Variants in CAMTA2 observed in about 807,000 individuals in gnomAD.
CAMTA2 encodes the protein calmodulin binding transcription activator 2.
Under a neutral mutation model 135.7 loss-of-function variants are expected in CAMTA2, and 56 were observed. That is an observed-to-expected ratio of 0.41 (90% CI 0.33 to 0.52). The LOEUF (loss-of-function observed/expected upper bound fraction) is 0.52, where lower values mean the gene tolerates loss of function less well. Ranked by LOEUF, CAMTA2 falls within the 20% of genes least tolerant of loss-of-function variation. CAMTA2 has a pLI of 0.16. For synonymous variants in CAMTA2, 591 were observed against 604.6 expected (o/e 0.98, Z 0.33); for missense variants, 1,358 against 1,553.4 (o/e 0.87, Z 2.11).
At chr17:4,974,529 G>C in intron 11 of CAMTA2, 29 bp from the exon 12 acceptor site, 1 of 1,436,756 alleles carries the variant, frequency 7.0e-7, no homozygotes, top group Non-Finnish European at 9.8e-7. Context: ...GGGAGGCTGA[G>C]TGGGCAGTCT....
At chr17:4,979,627 T>C (rs532149047) in intron 9 of CAMTA2, 57 bp downstream of exon 9, 4 of 1,262,540 alleles carry the variant, frequency 3.2e-6, no homozygotes, top group East Asian at 2.3e-5. Context: ...ACAATTTGTT[T>C]TGGGGAGTCA....
At position 4,968,183 on chromosome 17, in the gene CAMTA2, T is replaced by A. The variant is rs1466950385; in HGVS notation, c.*573A>T. 3.8e-6 allele frequency: 1 copy of A among 265,584 alleles called. No homozygotes were observed. The highest frequency in any genetic ancestry group is 7.3e-6 in the Non-Finnish European group (1 of 137,032). 16.5% of individuals were successfully genotyped at this position (265,584 alleles called of 1,614,324 possible). A position where few individuals can be genotyped will look rare whatever the true frequency, so the allele number is the denominator to read the frequency against. ...TATGTTACAGTATGTACAAGACCCC[T>A]CCCCTCGGGGGACGGGGCGGACTCC... On this transcript the variant is annotated 3_prime_UTR_variant, in exon 23 of 23. Transcript: ENST00000348066.
chr17:4,972,153 T>C, intron 16 of CAMTA2, 79 bp downstream of exon 16: 2 of 1,255,164 alleles, frequency 1.6e-6, no homozygotes, highest in East Asian at 2.3e-5. Flanking sequence ...AGCCAGACTT[T>C]GATTCTGCTT....
At chr17:4,974,838 AG>A (rs1972520781) in intron 11 of CAMTA2, among the ~76,000 whole-genome samples, 1 of 152,210 alleles carries the variant, frequency 6.6e-6, no homozygotes, top group African/African-American at 2.4e-5. Context: ...GCCTTTTCCT[AG>A]GCAAAATGTT....
chr17:4,979,953 C>T lies in CAMTA2; in HGVS notation c.1369G>A (p.Gly457Arg), dbSNP rs1322571448. ...DDSGEELKGH[G>R]AAPPIPSPPP... ...GGTGAAGGTATGGGTGGGGCAGCCCCGTGACCCTTGAGCTCCTCCCCACTG... is the reference window on the plus strand; with the variant it reads ...GGTGAAGGTATGGGTGGGGCAGCCCTGTGACCCTTGAGCTCCTCCCCACTG... Residue 457 changes from glycine (G) to arginine (R), a missense_variant, in exon 9 of 23, where the codon GGG (glycine) becomes AGG (arginine). Gly to Arg is a moderately radical substitution (Grantham distance 125). This residue lies in a region of CAMTA2 where 1,077 missense variants were observed against 1,127.5 expected (regional missense o/e 0.96). Coordinates refer to ENST00000348066, the MANE Select transcript of CAMTA2 (RefSeq NM_015099.4). The T allele has an allele frequency of 6.8e-6, 11 of 1,612,830 alleles. No individual in the cohort carries two copies. Among genetic ancestry groups the T allele is most frequent in the African/African-American group, 2.7e-5 (2 of 74,840 alleles).
Position 4,981,278 on chromosome 17 carries a change from T to C in CAMTA2, c.647A>G (p.His216Arg), listed in dbSNP as rs199920909. ...GGTTCGGGGAGCAGGCTTGGTTGGGTGGGTGTCCAAAATCTGCTGCACCAG... is the reference window on the plus strand; with the variant it reads ...GGTTCGGGGAGCAGGCTTGGTTGGGCGGGTGTCCAAAATCTGCTGCACCAG... The part of the protein sequence containing the change: ...EHLVQQILDT[H>R]PTKPAPRTHA... The change falls in exon 8 of 23, where the codon CAC becomes CGC. Residue 216 changes from histidine (H) to arginine (R), a missense_variant. Around this residue, in one of 4 missense-constraint regions of CAMTA2, gnomAD observed 1,077 missense variants for 1,127.5 expected, o/e 0.96. Coordinates refer to ENST00000348066, the MANE Select transcript of CAMTA2 (RefSeq NM_015099.4). 2 of 1,614,068 alleles carry C rather than the reference T, an allele frequency of 1.2e-6. No homozygotes were observed. Among genetic ancestry groups the C allele is most frequent in the Admixed American group, 3.3e-5 (2 of 60,016 alleles).
intron 10 of CAMTA2, among the ~76,000 whole-genome samples, chr17:4,977,757 C>T (rs1972703876): frequency 6.6e-6 from 1 of 152,194 alleles, no homozygotes; most frequent in Admixed American, 6.5e-5. Context: ...AAGCTGCCAA[C>T]CTGTCACTTT....
Position 4,969,018 on chromosome 17 carries a change from C to T in CAMTA2, c.3471-37G>A, listed in dbSNP as rs756669268. The T allele has an allele frequency of 1.2e-6, 2 of 1,605,948 alleles. No homozygotes were observed. Among genetic ancestry groups the T allele is most frequent in the South Asian group, 1.1e-5 (1 of 90,818 alleles). ...AACAAAAGATGGACCTCACAGAAGG[C>T]ATCGCATGCCTTCGGCCCCCCCAGG... On this transcript the variant is annotated intron_variant, in intron 21 of 22. Coordinates refer to ENST00000348066, the MANE Select transcript of CAMTA2 (RefSeq NM_015099.4). This position sits in a 1 kb window ranked among gnomAD's most constrained non-coding sequence, Gnocchi z 5.6.
chr17:4,987,370 G>C, intron 1 of CAMTA2: 1 of 1,359,908 alleles, frequency 7.4e-7, no homozygotes, highest in Non-Finnish European at 9.4e-7. Context: ...GCAGGTGCCG[G>C]GTGCGGGGGT....
At chr17:4,986,879 C>T (rs190594927) in intron 1 of CAMTA2, 308 of 1,248,924 alleles carry the variant, frequency 2.5e-4, no homozygotes, top group Non-Finnish European at 3.8e-5. Context: ...ACCCACCCTC[C>T]GGCTGACAGC....
intron 11 of CAMTA2, among the ~76,000 whole-genome samples, chr17:4,975,281 A>G (rs1161323839): frequency 6.6e-6 from 1 of 152,168 alleles, no homozygotes; most frequent in Non-Finnish European, 1.5e-5. Context: ...AGGAGGACAG[A>G]GAATGATGAA....
At chr17:4,978,959 A>C (rs567966845) in intron 9 of CAMTA2, among the ~76,000 whole-genome samples, 1 of 152,242 alleles carries the variant, frequency 6.6e-6, no homozygotes, top group African/African-American at 2.4e-5. Context: ...TTTCCTCTCA[A>C]AGGCAGCATA....
chr17:4,972,417 T>A lies in CAMTA2; in HGVS notation c.2623A>T (p.Thr875Ser). 2 of 1,613,940 alleles carry A rather than the reference T, an allele frequency of 1.2e-6. No individual in the cohort carries two copies. The highest frequency in any genetic ancestry group is 1.7e-6 in the Non-Finnish European group (2 of 1,179,954). ...PPAPLPASEM[T>S]MEDMAPGQLS... The stretch of plus-strand genomic sequence containing the variant: ...TGGCCTGGGGCCATGTCCTCCATAG[T>A]CATCTCAGAGGCTGGCAGAGGTGCA... Residue 875 changes from threonine to serine, a missense_variant, in exon 16 of 23, where the codon ACT becomes TCT. Physicochemically the swap from Thr to Ser is moderately conservative, Grantham distance 58 (BLOSUM62 1). Coordinates refer to ENST00000348066, the MANE Select transcript of CAMTA2 (RefSeq NM_015099.4).
chr17:4,980,178 T>A lies in CAMTA2; in HGVS notation c.1144A>T (p.Asn382Tyr). 1 of 1,576,380 alleles carries A rather than the reference T, an allele frequency of 6.3e-7. No homozygotes were observed. The stretch of plus-strand genomic sequence containing the variant: ...TATGTCTGGCCCCTCTGGGGGCTGT[T>A]GAGAAAACGATCAGGGTCAAAGGCA... ...SPAFDPDRFL[N>Y]SPQRGQTYGG... is the part of the protein sequence containing the mutation. Residue 382 changes from asparagine (N) to tyrosine (Y), a missense_variant, in exon 9 of 23, where the codon AAC (asparagine) becomes TAC (tyrosine). Around this residue, in one of 4 missense-constraint regions of CAMTA2, gnomAD observed 1,077 missense variants for 1,127.5 expected, o/e 0.96. Transcript: ENST00000348066. The surrounding 1 kb of genome is among the most constrained non-coding windows in gnomAD (Gnocchi z 5.3).
chr17:4,983,084 G>A (rs746634533), intron 3 of CAMTA2, 41 bp from the exon 4 acceptor site: 2 of 1,544,984 alleles, frequency 1.3e-6, no homozygotes, highest in South Asian at 2.2e-5. Flanking sequence ...CTCCTTCACA[G>A]AGAGTCTCAG....
chr17:4,985,105 G>A (rs1185387536), intron 3 of CAMTA2, among the ~76,000 whole-genome samples: 1 of 150,952 alleles, frequency 6.6e-6, no homozygotes, highest in Non-Finnish European at 1.5e-5. Flanking sequence ...GGAATCACTT[G>A]AATCCAGGAG....
chr17:4,974,119 T>G, intron 12 of CAMTA2: 1 of 540,374 alleles, frequency 1.9e-6, no homozygotes, highest in Non-Finnish European at 3.3e-6. Context: ...GCCCCAGTGC[T>G]CCTGACCCCT....
At position 4,972,221 on chromosome 17, in the gene CAMTA2, A is replaced by G. The variant is rs575369379; in HGVS notation, c.2808+11T>C. 7 of 1,608,350 alleles carry G rather than the reference A, an allele frequency of 4.4e-6. No individual in the cohort carries two copies. The highest frequency in any genetic ancestry group is 1.3e-5 in the African/African-American group (1 of 74,840). ...TTCTAGCCCCCATAACTCCATCAATATAAGCAGTACCGGGATCACATCCAC... is the reference window on the plus strand; with the variant it reads ...TTCTAGCCCCCATAACTCCATCAATGTAAGCAGTACCGGGATCACATCCAC... On this transcript the variant is annotated intron_variant, in intron 16 of 22. Coordinates refer to ENST00000348066, the MANE Select transcript of CAMTA2 (RefSeq NM_015099.4).
intron 9 of CAMTA2, among the ~76,000 whole-genome samples, chr17:4,979,158 A>G (rs991669112): frequency 4.6e-5 from 7 of 152,196 alleles, no homozygotes; most frequent in African/African-American, 1.7e-4. Context: ...GAGGAACAGA[A>G]AAAAGGTTAA....
Sources: gnomAD v4.1 joint callset for allele counts (sites outside exome capture counted in the v4.1 genomes callset) on GRCh38, gnomAD v4.1.1 for gene constraint, gnomAD v4.1.1 regional missense constraint, Gnocchi (gnomAD v3.1) non-coding constraint, MANE v1.5 for transcripts, NCBI Gene and HGNC (gene_info 2026-07-23, HGNC 2026-07-21) for gene names.